Variants in ARHGAP15 observed in about 807,000 individuals in gnomAD.
ARHGAP15 encodes the protein Rho GTPase activating protein 15, also known as rho GTPase-activating protein 15.
A neutral mutation model predicts 63.7 loss-of-function variants in ARHGAP15; 51 were observed. The ratio of observed to expected loss-of-function variants is 0.80; its 90% CI spans 0.64 to 1.01. ARHGAP15 has a LOEUF of 1.01. Ranked by LOEUF, ARHGAP15 falls within the 50% of genes least tolerant of loss-of-function variation. The pLI is 0.00. For missense variants in ARHGAP15, 560 were observed against 564.6 expected, an observed-to-expected ratio of 0.99 and a Z score of 0.08; for synonymous variants, 191 against 193.8, an observed-to-expected ratio of 0.99 and a Z score of 0.12.
intron 1 of ARHGAP15, among the ~76,000 whole-genome samples, chr2:143,151,110 G>C (rs1261353645): frequency 1.3e-5 from 2 of 151,978 alleles, no homozygotes; most frequent in African/African-American, 4.8e-5. Context: ...TTCTCTTTGA[G>C]AGAACACCCT....
chr2:143,614,641 T>G (rs1698388872), intron 11 of ARHGAP15, among the ~76,000 whole-genome samples: 1 of 152,132 alleles, frequency 6.6e-6, no homozygotes, highest in African/African-American at 2.4e-5. Context: ...TAAAAATGAG[T>G]GCATCAGTCA....
intron 2 of ARHGAP15, among the ~76,000 whole-genome samples, chr2:143,178,161 A>G (rs1366141850): frequency 6.6e-6 from 1 of 152,246 alleles, no homozygotes; most frequent in Non-Finnish European, 1.5e-5. Flanking sequence ...GCCTACTTCA[A>G]GGAGGATTAC....
chr2:143,680,021 TAAAAAAA>T (rs55927433), intron 12 of ARHGAP15, among the ~76,000 whole-genome samples: 2,097 of 101,534 alleles, frequency 0.021, 45 homozygotes, highest in African/African-American at 0.089. Flanking sequence ...AGTAAATGAT[TAAAAAAA>T]AAAAAAAAAA....
intron 2 of ARHGAP15, 136 bp downstream of exon 2, chr2:143,155,791 C>T (rs1379082748): frequency 2.4e-6 from 2 of 822,928 alleles, no homozygotes; most frequent in Non-Finnish European, 3.7e-6. Flanking sequence ...TGCATTTTAT[C>T]TTGCATACTT....
intron 9 of ARHGAP15, among the ~76,000 whole-genome samples, chr2:143,512,469 G>T (rs551629097): frequency 4.3e-4 from 65 of 152,298 alleles, no homozygotes; most frequent in Admixed American, 9.1e-4. Flanking sequence ...CAGAGAATAG[G>T]AGGATAGACA....
intron 12 of ARHGAP15, among the ~76,000 whole-genome samples, chr2:143,630,572 A>T (rs1182171802): frequency 1.3e-5 from 2 of 152,038 alleles, no homozygotes; most frequent in African/African-American, 2.4e-5. Context: ...TCTACTTTTG[A>T]TTTATCAACT....
At chr2:143,318,537 G>GTAA in intron 6 of ARHGAP15, among the ~76,000 whole-genome samples, 1 of 64,026 alleles carries the variant, frequency 1.6e-5, no homozygotes, top group Non-Finnish European at 2.8e-5. Context: ...TTTTTTTTTC[G>GTAA]AACAGTCAAT....
intron 6 of ARHGAP15, among the ~76,000 whole-genome samples, chr2:143,364,941 G>A (rs1016891969): frequency 2.0e-5 from 3 of 152,150 alleles, no homozygotes; most frequent in African/African-American, 7.2e-5. Flanking sequence ...AGGAGGCGGA[G>A]GTTGCAGTGA....
chr2:143,460,996 T>A (rs769726313), intron 8 of ARHGAP15, among the ~76,000 whole-genome samples: 17 of 152,084 alleles, frequency 1.1e-4, no homozygotes, highest in Admixed American at 1.1e-3. Flanking sequence ...GCTTAGAGCA[T>A]CTAGAAGACT....
In ARHGAP15 at chr2:143,419,515, A is replaced by G. The variant is rs1688825304; in HGVS notation, c.475-16086A>G. 3.3e-5 allele frequency among the ~76,000 whole-genome samples: 5 copies of G among 152,154 alleles called. No homozygotes were observed. In the South Asian group the frequency reaches 1.0e-3, roughly 31 times the overall value. ...CTTCAATTTATTAAAGTAAATCTCTATAACAAAATGTTAGGAAGTCATTAA... is the reference window on the plus strand; with the variant it reads ...CTTCAATTTATTAAAGTAAATCTCTGTAACAAAATGTTAGGAAGTCATTAA... On this transcript the variant is annotated intron_variant, in intron 6 of 13. Transcript: ENST00000295095.
chr2:143,641,397 C>T (rs1680593381), intron 12 of ARHGAP15: 1 of 152,238 alleles, frequency 6.6e-6, no homozygotes, highest in Non-Finnish European at 1.5e-5. Context: ...TTAAGATTTG[C>T]TATCGGTTTT....
chr2:143,198,005 T>G (rs924580148), intron 2 of ARHGAP15, among the ~76,000 whole-genome samples: 1 of 151,428 alleles, frequency 6.6e-6, no homozygotes, highest in Non-Finnish European at 1.5e-5. Flanking sequence ...TACACTTATA[T>G]TGCTGGAGAA....
intron 6 of ARHGAP15, among the ~76,000 whole-genome samples, chr2:143,427,701 A>G (rs1349413649): frequency 6.6e-6 from 1 of 152,042 alleles, no homozygotes. Flanking sequence ...GATGTCTAGG[A>G]CTTGCTGACT....
intron 2 of ARHGAP15, among the ~76,000 whole-genome samples, chr2:143,181,165 G>T (rs892653288): frequency 7.9e-5 from 12 of 152,106 alleles, no homozygotes; most frequent in African/African-American, 2.4e-4. Context: ...TGAGCAGTAG[G>T]TCTCAACAAT....
chr2:143,397,722 C>T (rs1427947024), intron 6 of ARHGAP15, among the ~76,000 whole-genome samples: 2 of 152,078 alleles, frequency 1.3e-5, no homozygotes, highest in Non-Finnish European at 2.9e-5. Flanking sequence ...GTGTACTATA[C>T]CTGATAAGGT....
rs554383961 is a variant in ARHGAP15, at chr2:143,721,242, T to A, written c.1244+17718T>A. Among the ~76,000 whole-genome samples the A allele has an allele frequency of 2.0e-5, 3 of 151,972 alleles. No individual in the cohort carries two copies. The South Asian group carries it at 6.2e-4, about 32-fold the overall frequency. Reference sequence around the variant, plus strand: ...AAAGAGGTTCTCTGTGGCCAAGAAATCAAAGTCTGGGCTAAAAGAAAGAGG... The same window carrying A: ...AAAGAGGTTCTCTGTGGCCAAGAAAACAAAGTCTGGGCTAAAAGAAAGAGG... On this transcript the variant is annotated intron_variant, in intron 13 of 13. Transcript: ENST00000295095.
At chr2:143,421,591 G>A (rs1449948280) in intron 6 of ARHGAP15, among the ~76,000 whole-genome samples, 1 of 151,952 alleles carries the variant, frequency 6.6e-6, no homozygotes, top group Admixed American at 6.6e-5. Context: ...GTGGGTCACA[G>A]AATCAATTTA....
chr2:143,594,057 AATAC>A (rs1574678173), intron 11 of ARHGAP15, among the ~76,000 whole-genome samples: 2 of 152,270 alleles, frequency 1.3e-5, no homozygotes, highest in East Asian at 3.9e-4. Flanking sequence ...TAAGTGTTAA[AATAC>A]ATATATATGT....
chr2:143,706,974 A>T (rs1003373082), intron 13 of ARHGAP15, among the ~76,000 whole-genome samples: 2 of 152,166 alleles, frequency 1.3e-5, no homozygotes, highest in Admixed American at 6.5e-5. Context: ...GGCAGAGTGA[A>T]GATGAAGTTA....
Sources: gnomAD v4.1 joint callset for allele counts (sites outside exome capture counted in the v4.1 genomes callset) on GRCh38, gnomAD v4.1.1 for gene constraint, MANE v1.5 for transcripts, NCBI Gene and HGNC (gene_info 2026-07-23, HGNC 2026-07-21) for gene names.